ITPRID1: variants seen among roughly 807,000 people sequenced by gnomAD.
ITPRID1 encodes the protein ITPR interacting domain containing 1.
In ITPRID1, 96 loss-of-function variants were observed where a neutral mutation model predicts 95.4. That is an observed-to-expected ratio of 1.01 (90% CI 0.85 to 1.19). The LOEUF (loss-of-function observed/expected upper bound fraction) is 1.19, where lower values mean the gene tolerates loss of function less well. Among genes scored for constraint, ITPRID1 ranks in the 50% most tolerant of loss-of-function variants. The pLI is 0.00. For synonymous variants in ITPRID1, 510 were observed against 453.6 expected, an observed-to-expected ratio of 1.12 and a Z score of -1.58; for missense variants, 1,339 against 1,252.9, an observed-to-expected ratio of 1.07 and a Z score of -1.04.
intron 10 of ITPRID1, among the ~76,000 whole-genome samples, chr7:31,596,102 T>A (rs1786077973): frequency 6.6e-6 from 1 of 151,404 alleles, no homozygotes; most frequent in Admixed American, 6.6e-5. Flanking sequence ...AATTTTATAT[T>A]GATACTATAT....
chr7:31,643,416 T>C lies in ITPRID1; in HGVS notation c.2046T>C (p.Gly682=). Residue 682 remains glycine (G), a synonymous_variant, in exon 12 of 15, where the codon GGT becomes GGC. Transcript: ENST00000615280. ...CTGCCCAGGTGAAGTCAAGGTCTGG[T>C]ACTTTGGGTCAGATACTACCTGGGA... ...GDPAQVKSRS[G]TLGQILPGTE... is the part of the protein sequence containing the mutation. 1 of 1,613,972 alleles carries C rather than the reference T, an allele frequency of 6.2e-7. No homozygotes were observed. The highest frequency in any genetic ancestry group is 8.5e-7 in the Non-Finnish European group (1 of 1,179,890).
chr7:31,629,387 T>C (rs1788790715), intron 10 of ITPRID1, among the ~76,000 whole-genome samples: 1 of 152,166 alleles, frequency 6.6e-6, no homozygotes, highest in South Asian at 2.1e-4. Flanking sequence ...AAACCCCTGA[T>C]TACTCCATGC....
chr7:31,595,450 C>A (rs1583548719), intron 10 of ITPRID1, among the ~76,000 whole-genome samples: 1 of 152,226 alleles, frequency 6.6e-6, no homozygotes, highest in East Asian at 1.9e-4. Flanking sequence ...AAAGTGACAT[C>A]TTCCAACCCC....
intron 1 of ITPRID1, among the ~76,000 whole-genome samples, chr7:31,519,638 A>G (rs1376264884): frequency 7.7e-6 from 1 of 130,344 alleles, no homozygotes; most frequent in East Asian, 2.5e-4. Context: ...ATATATATAT[A>G]TATATATAAA....
At chr7:31,649,740 C>A (rs1324783291) in intron 12 of ITPRID1, among the ~76,000 whole-genome samples, 2 of 152,028 alleles carry the variant, frequency 1.3e-5, no homozygotes, top group Non-Finnish European at 2.9e-5. Flanking sequence ...ATGATCCAAC[C>A]CAGGATGCAA....
rs764047248 is a variant in ITPRID1, at chr7:31,578,399, G to T, written c.1135G>T (p.Ala379Ser). 16 of 1,611,896 alleles carry T rather than the reference G, an allele frequency of 9.9e-6. 1 individual carries two copies. The South Asian group carries it at 1.5e-4, about 16-fold the overall frequency. ...TNKLKSLSHL[A>S]GKGPDSFEME... Reference sequence around the variant, plus strand: ...CAAGCTCAAGAGCTTGTCTCATCTTGCAGGCAAAGGACCAGACTCATTTGA... The same window carrying T: ...CAAGCTCAAGAGCTTGTCTCATCTTTCAGGCAAAGGACCAGACTCATTTGA... The change falls in exon 9 of 15, where the codon GCA becomes TCA. Residue 379 changes from alanine to serine, a missense_variant. Ala to Ser is a moderately conservative substitution (Grantham distance 99). Coordinates refer to ENST00000615280, the MANE Select transcript of ITPRID1 (RefSeq NM_001257967.3).
chr7:31,596,408 C>G (rs1334971262), intron 10 of ITPRID1, among the ~76,000 whole-genome samples: 2 of 150,986 alleles, frequency 1.3e-5, no homozygotes, highest in East Asian at 3.9e-4. Flanking sequence ...CTAAAAATCT[C>G]AGAAAATTGA....
intron 10 of ITPRID1, among the ~76,000 whole-genome samples, chr7:31,622,354 G>C (rs1042238422): frequency 6.6e-6 from 1 of 152,062 alleles, no homozygotes; most frequent in African/African-American, 2.4e-5. Flanking sequence ...CAGATAGTTG[G>C]AAGTAAAGCT....
In ITPRID1 at chr7:31,572,207, C is replaced by G. The variant is rs1424436943; in HGVS notation, c.395+19C>G. On this transcript the variant is annotated intron_variant, in intron 7 of 14. Transcript: ENST00000615280. ...CACAAAGGTATGTAATTTCCAGGTGCTTTTCATCCTGAGAAATCATTCTGT... is the reference window on the plus strand; with the variant it reads ...CACAAAGGTATGTAATTTCCAGGTGGTTTTCATCCTGAGAAATCATTCTGT... 6.7e-7 allele frequency: 1 copy of G among 1,494,860 alleles called. No homozygotes were observed. Among genetic ancestry groups the G allele is most frequent in the Non-Finnish European group, 9.3e-7 (1 of 1,077,740 alleles). 92.6% of individuals were successfully genotyped at this position (1,494,860 alleles called of 1,614,324 possible). A position where few individuals can be genotyped will look rare whatever the true frequency, so the allele number is the denominator to read the frequency against.
At chr7:31,601,828 A>T (rs1017138062) in intron 10 of ITPRID1, among the ~76,000 whole-genome samples, 1 of 152,196 alleles carries the variant, frequency 6.6e-6, no homozygotes, top group Non-Finnish European at 1.5e-5. Flanking sequence ...ACCAACACGA[A>T]GGGAACTGCT....
chr7:31,518,824 T>C (rs370200366), intron 1 of ITPRID1, among the ~76,000 whole-genome samples: 6 of 152,330 alleles, frequency 3.9e-5, no homozygotes, highest in South Asian at 2.1e-4. Context: ...AAATAAATTA[T>C]TTAAAACCTA....
At chr7:31,592,775 G>A (rs1252270983) in intron 10 of ITPRID1, among the ~76,000 whole-genome samples, 1 of 152,160 alleles carries the variant, frequency 6.6e-6, no homozygotes, top group Non-Finnish European at 1.5e-5. Flanking sequence ...GCCATGGACT[G>A]AAGCCGGGGG....
intron 5 of ITPRID1, among the ~76,000 whole-genome samples, chr7:31,567,849 G>C (rs1453670529): frequency 6.6e-6 from 1 of 152,194 alleles, no homozygotes; most frequent in South Asian, 2.1e-4. Context: ...ACTATTGCCA[G>C]GCGTGGTGGC....
At chr7:31,537,463 C>T (rs1325540134) in intron 1 of ITPRID1, among the ~76,000 whole-genome samples, 2 of 151,880 alleles carry the variant, frequency 1.3e-5, no homozygotes, top group Admixed American at 6.6e-5. Context: ...TTAGTTTTTT[C>T]CCCCCAATTT....
intron 12 of ITPRID1, among the ~76,000 whole-genome samples, chr7:31,650,426 T>A (rs929475236): frequency 6.6e-6 from 1 of 152,030 alleles, no homozygotes. Context: ...AGGAATATAT[T>A]TAAATGAGAA....
intron 10 of ITPRID1, among the ~76,000 whole-genome samples, chr7:31,586,851 C>T (rs1198994359): frequency 3.3e-5 from 5 of 151,742 alleles, no homozygotes; most frequent in Non-Finnish European, 7.4e-5. Flanking sequence ...TTAATTAGAT[C>T]CCATTTGTCA....
At chr7:31,606,409 C>T (rs1786624481) in intron 10 of ITPRID1, among the ~76,000 whole-genome samples, 1 of 151,526 alleles carries the variant, frequency 6.6e-6, no homozygotes, top group Non-Finnish European at 1.5e-5. Context: ...TCAACAAAGC[C>T]AAATCCTTTG....
chr7:31,623,719 TGAA>T (rs2128182886), intron 10 of ITPRID1, among the ~76,000 whole-genome samples: 1 of 140,234 alleles, frequency 7.1e-6, no homozygotes, highest in Admixed American at 7.4e-5. Context: ...AGGAAAACTT[TGAA>T]ACCTCTATCA....
At chr7:31,552,856 G>T (rs1784327158) in intron 2 of ITPRID1, 146 bp from the exon 3 acceptor site, 1 of 813,688 alleles carries the variant, frequency 1.2e-6, no homozygotes, top group South Asian at 1.9e-5. Flanking sequence ...GCTTGGCTCA[G>T]GTGGGTGAGC....
Sources: allele counts gnomAD v4.1 joint callset (sites outside exome capture counted in the v4.1 genomes callset), GRCh38; gene constraint gnomAD v4.1.1; transcripts MANE v1.5; gene names NCBI Gene and HGNC (gene_info 2026-07-23, HGNC 2026-07-21).